Variants in KALRN observed in about 807,000 individuals in gnomAD.
KALRN encodes kalirin.
Under a neutral mutation model 353.7 loss-of-function variants are expected in KALRN, and 70 were observed. The observed-to-expected ratio is 0.20, with a 90% CI of 0.16 to 0.24. The LOEUF (loss-of-function observed/expected upper bound fraction) is 0.24. KALRN is among the 10% of genes least tolerant of loss of function. The pLI, the probability that KALRN is intolerant of heterozygous loss-of-function variation, is 1.00. For missense variants in KALRN, 2,791 were observed against 3,756.7 expected, an observed-to-expected ratio of 0.74 and a Z score of 6.72; for synonymous variants, 1,391 against 1,434.8, an observed-to-expected ratio of 0.97 and a Z score of 0.69.
chr3:124,542,172 C>T (rs905203250), intron 33 of KALRN, among the ~76,000 whole-genome samples: 1 of 152,156 alleles, frequency 6.6e-6, no homozygotes, highest in Non-Finnish European at 1.5e-5. Context: ...TAGACAATGT[C>T]CTTGGCCTGC....
At chr3:124,061,927 C>G (rs926383373) in intron 1 of KALRN, among the ~76,000 whole-genome samples, 4 of 111,144 alleles carry the variant, frequency 3.6e-5, no homozygotes, top group African/African-American at 1.2e-4. Flanking sequence ...TTTAGAACAA[C>G]AGAAGAGCAG....
Position 124,579,784 on chromosome 3 carries a change from G to T in KALRN, c.5182+16695G>T, listed in dbSNP as rs531838854. Among the ~76,000 whole-genome samples, 5 of 152,278 alleles carry T rather than the reference G, an allele frequency of 3.3e-5. No individual in the cohort carries two copies. The South Asian group carries it at 1.0e-3, about 32-fold the overall frequency. ...CTTAGAAATCTTGTTGAAAGGGATG[G>T]CTGTTTTCTCAGATGTTCTTGCTAA... On this transcript the variant is annotated intron_variant, in intron 34 of 59. Transcript: ENST00000682506.
At chr3:124,468,862 G>A (rs2060610628) in intron 25 of KALRN, among the ~76,000 whole-genome samples, 1 of 152,214 alleles carries the variant, frequency 6.6e-6, no homozygotes, top group East Asian at 1.9e-4. Flanking sequence ...CTATACAAAT[G>A]TAGCTGTGGT....
At chr3:124,541,979 C>T (rs1284433836) in intron 33 of KALRN, among the ~76,000 whole-genome samples, 1 of 152,146 alleles carries the variant, frequency 6.6e-6, no homozygotes, top group Non-Finnish European at 1.5e-5. Context: ...GAGACGCTGT[C>T]TCAAAAGAAA....
chr3:124,170,907 T>G (rs2071709868), intron 1 of KALRN, among the ~76,000 whole-genome samples: 1 of 135,534 alleles, frequency 7.4e-6, no homozygotes, highest in Non-Finnish European at 1.5e-5. Flanking sequence ...GGCTGGAGTG[T>G]CGTTCAAAAG....
At chr3:124,103,821 C>T (rs529247950) in intron 1 of KALRN, among the ~76,000 whole-genome samples, 27 of 152,078 alleles carry the variant, frequency 1.8e-4, no homozygotes, top group Admixed American at 7.2e-4. Flanking sequence ...CCGGGTGTGA[C>T]GGCATACAAC....
chr3:124,596,947 A>G (rs2076323315), intron 34 of KALRN, among the ~76,000 whole-genome samples: 1 of 151,926 alleles, frequency 6.6e-6, no homozygotes, highest in Non-Finnish European at 1.5e-5. Context: ...TACTTGGGAG[A>G]CTGAGGCGTG....
intron 14 of KALRN, among the ~76,000 whole-genome samples, chr3:124,415,607 A>G (rs563870531): frequency 1.3e-5 from 2 of 152,374 alleles, no homozygotes; most frequent in East Asian, 3.9e-4. Context: ...TGTTGCTTCA[A>G]TAGTCTAAGG....
At chr3:124,704,337 T>A (rs1055198509) in intron 57 of KALRN, among the ~76,000 whole-genome samples, 4 of 152,210 alleles carry the variant, frequency 2.6e-5, no homozygotes, top group African/African-American at 7.2e-5. Flanking sequence ...TAAGTCATGT[T>A]TTAGCTAAAA....
intron 1 of KALRN, among the ~76,000 whole-genome samples, chr3:124,089,683 T>C (rs1287065577): frequency 6.6e-6 from 1 of 151,736 alleles, no homozygotes; most frequent in Non-Finnish European, 1.5e-5. Flanking sequence ...TGTAGGTGCC[T>C]TGGGGAAGGC....
intron 34 of KALRN, among the ~76,000 whole-genome samples, chr3:124,576,836 T>G (rs1364461453): frequency 6.6e-6 from 1 of 152,118 alleles, no homozygotes; most frequent in African/African-American, 2.4e-5. Flanking sequence ...AATCATAAGT[T>G]TACCTTAATT....
At chr3:124,427,479 A>G (rs1238871027) in intron 15 of KALRN, among the ~76,000 whole-genome samples, 1 of 152,220 alleles carries the variant, frequency 6.6e-6, no homozygotes, top group African/African-American at 2.4e-5. Context: ...TGACCTTGAG[A>G]ACACAGCCAT....
intron 6 of KALRN, among the ~76,000 whole-genome samples, chr3:124,311,092 T>TTTTA: frequency 7.7e-6 from 1 of 129,388 alleles, no homozygotes; most frequent in East Asian, 2.3e-4. Flanking sequence ...TTTTTTTTTT[T>TTTTA]GAGATGGAGT....
chr3:124,642,238 C>T (rs897297788), intron 37 of KALRN, among the ~76,000 whole-genome samples: 4 of 151,844 alleles, frequency 2.6e-5, no homozygotes, highest in Non-Finnish European at 5.9e-5. Context: ...GAGCCGAGAT[C>T]GCGCCACTGC....
At chr3:124,220,985 C>G (rs1656518080) in intron 1 of KALRN, among the ~76,000 whole-genome samples, 1 of 152,202 alleles carries the variant, frequency 6.6e-6, no homozygotes, top group Non-Finnish European at 1.5e-5. Flanking sequence ...CAGATTCCAC[C>G]CAGCTCTGCC....
intron 3 of KALRN, among the ~76,000 whole-genome samples, chr3:124,243,892 C>G (rs1053336346): frequency 6.6e-6 from 1 of 152,182 alleles, no homozygotes; most frequent in Non-Finnish European, 1.5e-5. Context: ...TTTCCCTTCC[C>G]TTGCTTGAAA....
chr3:124,576,848 A>G (rs1311333521), intron 34 of KALRN, among the ~76,000 whole-genome samples: 1 of 152,228 alleles, frequency 6.6e-6, no homozygotes, highest in African/African-American at 2.4e-5. Context: ...ACCTTAATTG[A>G]AACTCAGAGT....
chr3:124,602,044 A>G (rs1425987187), intron 34 of KALRN, among the ~76,000 whole-genome samples: 1 of 149,926 alleles, frequency 6.7e-6, no homozygotes, highest in Non-Finnish European at 1.5e-5. Flanking sequence ...AAAAAAAAAG[A>G]AAAGAAAAAT....
In KALRN at chr3:124,309,358, C is replaced by G. The variant is rs114961575; in HGVS notation, c.1092+10445C>G. Among the ~76,000 whole-genome samples the G allele has an allele frequency of 1.8e-3, 275 of 152,164 alleles. 1 individual carries two copies. The highest frequency in any genetic ancestry group is 6.3e-3 in the African/African-American group (262 of 41,528). On this transcript the variant is annotated intron_variant, in intron 6 of 59. Coordinates refer to ENST00000682506, the MANE Select transcript of KALRN (RefSeq NM_001388419.1). ...ACAAGAAAACTACAGACCAATATCT[C>G]TTATAAATATGGATGCAAAGATTTC...
Sources: gnomAD v4.1 joint callset for allele counts (sites outside exome capture counted in the v4.1 genomes callset) on GRCh38, gnomAD v4.1.1 for gene constraint, MANE v1.5 for transcripts, NCBI Gene and HGNC (gene_info 2026-07-23, HGNC 2026-07-21) for gene names.